Variants in MALRD1 observed in about 807,000 individuals in gnomAD.
MALRD1 encodes the protein MAM and LDL-receptor class A domain-containing protein 1.
Under a neutral mutation model 242.1 loss-of-function variants are expected in MALRD1, and 247 were observed. The ratio of observed to expected loss-of-function variants is 1.02; its 90% CI spans 0.92 to 1.13. MALRD1 has a LOEUF of 1.13. Among genes scored for constraint, MALRD1 ranks in the 50% most tolerant of loss-of-function variants. MALRD1 has a pLI of 0.00. For synonymous variants in MALRD1, 995 were observed against 866.6 expected (o/e 1.15, Z -2.60); for missense variants, 2,989 against 2,533.1 (o/e 1.18, Z -3.86).
intron 14 of MALRD1, among the ~76,000 whole-genome samples, chr10:19,186,327 C>CATCATTTCT (rs1327846772): frequency 2.8e-4 from 43 of 152,120 alleles, no homozygotes; most frequent in African/African-American, 1.0e-3. Flanking sequence ...GGTGAAGGCT[C>CATCATTTCT]ATCATTTCTG....
At chr10:19,222,159 C>G (rs1268729030) in intron 18 of MALRD1, among the ~76,000 whole-genome samples, 1 of 151,838 alleles carries the variant, frequency 6.6e-6, no homozygotes, top group Admixed American at 6.6e-5. Flanking sequence ...CCTTCTTGTT[C>G]CCTCCCTCCC....
chr10:19,650,432 G>C (rs945885596), intron 36 of MALRD1, among the ~76,000 whole-genome samples: 1 of 152,072 alleles, frequency 6.6e-6, no homozygotes, highest in Admixed American at 6.6e-5. Flanking sequence ...AAAAACAAAG[G>C]CATCAAGAAT....
chr10:19,389,476 C>T lies in MALRD1; in HGVS notation c.4712C>T (p.Thr1571Ile). 6.4e-7 allele frequency: 1 copy of T among 1,550,558 alleles called. No individual in the cohort carries two copies. The highest frequency in any genetic ancestry group is 8.7e-7 in the Non-Finnish European group (1 of 1,146,930). The stretch of plus-strand genomic sequence containing the variant: ...GGGCACTTCATGTATCTGGAAGCTA[C>T]TGCAGTGGGCCTTCGGGGTGACAAA... The part of the protein sequence containing the change: ...ENGHFMYLEA[T>I]AVGLRGDKAH... Residue 1571 changes from threonine to isoleucine, a missense_variant, in exon 28 of 40, where the codon ACT (threonine) becomes ATT (isoleucine). Transcript: ENST00000454679.
intron 35 of MALRD1, among the ~76,000 whole-genome samples, chr10:19,614,411 A>G (rs1009213124): frequency 6.6e-6 from 1 of 151,962 alleles, no homozygotes; most frequent in African/African-American, 2.4e-5. Context: ...GGAAATTTTA[A>G]TCAAGTGTTA....
chr10:19,316,788 G>A (rs371333705), intron 21 of MALRD1, among the ~76,000 whole-genome samples: 50 of 151,876 alleles, frequency 3.3e-4, no homozygotes, highest in African/African-American at 1.0e-3. Context: ...GGTAGTATGG[G>A]GAGCAAGGCA....
intron 19 of MALRD1, among the ~76,000 whole-genome samples, chr10:19,277,422 C>G (rs16918455): frequency 0.17 from 25,412 of 152,106 alleles, 2,520 homozygotes; most frequent in Admixed American, 0.29. Flanking sequence ...TTCCTGGTCT[C>G]TCTTCATCCT....
intron 21 of MALRD1, chr10:19,290,333 T>C (rs1178164068): frequency 3.9e-5 from 6 of 152,218 alleles, no homozygotes; most frequent in Admixed American, 3.3e-4. Context: ...TCTCTTCTTG[T>C]AGATGGAGGC....
chr10:19,309,311 G>T (rs1842336456), intron 21 of MALRD1, among the ~76,000 whole-genome samples: 2 of 151,466 alleles, frequency 1.3e-5, no homozygotes, highest in South Asian at 4.2e-4. Flanking sequence ...CAATATTTAA[G>T]AATTTATAGT....
rs116060048 is a variant in MALRD1, at chr10:19,579,591, A to G, written c.5680+11888A>G. Reference sequence around the variant, plus strand: ...ATGATTTTCTCTTTCTCAGCCCTATATCAGCTAGCCAAGAATATAATGCAT... The same window carrying G: ...ATGATTTTCTCTTTCTCAGCCCTATGTCAGCTAGCCAAGAATATAATGCAT... On this transcript the variant is annotated intron_variant, in intron 33 of 39. Coordinates refer to ENST00000454679, the MANE Select transcript of MALRD1 (RefSeq NM_001142308.3). Among the ~76,000 whole-genome samples the G allele has an allele frequency of 4.1e-3, 629 of 152,316 alleles. 7 individuals are homozygous for G. Among genetic ancestry groups the G allele is most frequent in the African/African-American group, 0.014 (574 of 41,570 alleles).
At chr10:19,543,033 G>A (rs1339941373) in intron 32 of MALRD1, among the ~76,000 whole-genome samples, 6 of 151,566 alleles carry the variant, frequency 4.0e-5, no homozygotes, top group Non-Finnish European at 8.8e-5. Context: ...TTTTTTGTTG[G>A]ATTCATATAA....
intron 29 of MALRD1, among the ~76,000 whole-genome samples, chr10:19,471,580 A>G (rs10764029): frequency 0.86 from 128,734 of 149,344 alleles, 55,641 homozygotes; most frequent in East Asian, 1. Flanking sequence ...ATTTCTTCCC[A>G]GTTATTTGTC....
chr10:19,718,209 A>G (rs1485828527), intron 38 of MALRD1, among the ~76,000 whole-genome samples: 1 of 151,974 alleles, frequency 6.6e-6, no homozygotes, highest in Non-Finnish European at 1.5e-5. Flanking sequence ...GAAGAGGAAG[A>G]AGAAGAAGAA....
chr10:19,733,087 A>G (rs1052090800), intron 39 of MALRD1, among the ~76,000 whole-genome samples: 2 of 152,216 alleles, frequency 1.3e-5, no homozygotes, highest in African/African-American at 4.8e-5. Context: ...CATCAGAAAG[A>G]TAGACTTCTC....
intron 29 of MALRD1, among the ~76,000 whole-genome samples, chr10:19,473,234 C>A (rs559442403): frequency 6.6e-6 from 1 of 150,856 alleles, no homozygotes; most frequent in East Asian, 2.0e-4. Flanking sequence ...ATGACGTATA[C>A]CCTGCTCCTA....
chr10:19,112,873 C>T lies in MALRD1; in HGVS notation c.694+8798C>T, dbSNP rs116253937. On this transcript the variant is annotated intron_variant, in intron 5 of 39. Coordinates refer to ENST00000454679, the MANE Select transcript of MALRD1 (RefSeq NM_001142308.3). The stretch of plus-strand genomic sequence containing the variant: ...TTTTCTTTCAAAATCTGTTCCCTCT[C>T]ATTCATTCCCTGTTTTAGTCATTGG... Among the ~76,000 whole-genome samples, 200 of 152,258 alleles carry T rather than the reference C, an allele frequency of 1.3e-3. 1 individual carries two copies. The highest frequency in any genetic ancestry group is 4.6e-3 in the African/African-American group (191 of 41,554).
At chr10:19,349,460 CAT>C (rs558871314) in intron 25 of MALRD1, among the ~76,000 whole-genome samples, 98 of 152,306 alleles carry the variant, frequency 6.4e-4, no homozygotes, top group African/African-American at 2.2e-3. Flanking sequence ...TCATCTATCA[CAT>C]AGACAGTGAA....
chr10:19,192,286 A>G (rs887968737), intron 14 of MALRD1, among the ~76,000 whole-genome samples: 1 of 152,220 alleles, frequency 6.6e-6, no homozygotes, highest in African/African-American at 2.4e-5. Context: ...ACAATATGAA[A>G]GCACTTAATA....
intron 36 of MALRD1, among the ~76,000 whole-genome samples, chr10:19,673,843 G>C (rs1842030219): frequency 6.6e-6 from 1 of 151,400 alleles, no homozygotes; most frequent in South Asian, 2.1e-4. Flanking sequence ...TTTAATATAT[G>C]TACATAATAT....
chr10:19,189,116 G>A (rs1232114771), intron 14 of MALRD1, among the ~76,000 whole-genome samples: 3 of 151,992 alleles, frequency 2.0e-5, no homozygotes, highest in African/African-American at 4.8e-5. Context: ...AGAAATAAAA[G>A]TGGGGACATT....
Sources: gnomAD v4.1 joint callset for allele counts (sites outside exome capture counted in the v4.1 genomes callset) on GRCh38, gnomAD v4.1.1 for gene constraint, MANE v1.5 for transcripts, NCBI Gene and HGNC (gene_info 2026-07-23, HGNC 2026-07-21) for gene names.